Variants in TIPARP observed in about 807,000 individuals in gnomAD.
The protein encoded by TIPARP is TCDD inducible poly(ADP-ribose) polymerase, also known as protein mono-ADP-ribosyltransferase TIPARP.
A neutral mutation model predicts 56.5 loss-of-function variants in TIPARP; 12 were observed. That is an observed-to-expected ratio of 0.21 (90% confidence interval 0.14 to 0.34). The LOEUF is 0.34. Among genes scored for constraint, TIPARP ranks in the 10% least tolerant of loss-of-function variants. The probability of loss-of-function intolerance (pLI) is 1.00; values close to 1 mark genes in which losing one functional copy is unlikely to be tolerated. For missense variants in TIPARP, 604 were observed against 781.6 expected, an observed-to-expected ratio of 0.77 and a Z score of 2.71; for synonymous variants, 296 against 265.7, an observed-to-expected ratio of 1.11 and a Z score of -1.11.
Position 156,705,765 on chromosome 3 carries a change from A to T in TIPARP, c.*634A>T, listed in dbSNP as rs969623949. 2 of 152,660 alleles carry T rather than the reference A, an allele frequency of 1.3e-5. No individual in the cohort carries two copies. The highest frequency in any genetic ancestry group is 6.5e-5 in the Admixed American group (1 of 15,274). The allele number at this position is 152,660 out of a possible 1,614,324, so 9.5% of individuals were successfully genotyped here. ...ATTTAGAGGAAGTTAAAACAACAAC[A>T]AAAAACAACCATTTGAAAAATTTTT... On this transcript the variant is annotated 3_prime_UTR_variant, in exon 6 of 6. Transcript: ENST00000295924.
At chr3:156,682,575 T>C (rs774338468) in intron 2 of TIPARP, among the ~76,000 whole-genome samples, 13 of 152,240 alleles carry the variant, frequency 8.5e-5, no homozygotes, top group Non-Finnish European at 1.3e-4. Context: ...AGTCCCTATA[T>C]GACTTGCATA....
In TIPARP at chr3:156,677,755, C is replaced by T. The variant is rs1722180787; in HGVS notation, c.58C>T (p.Pro20Ser). ...CTGTGTAGTGCAGCCTCCCTCTCCTCCTGATGACTTTTCATGCCAAATGAG... is the reference window on the plus strand; with the variant it reads ...CTGTGTAGTGCAGCCTCCCTCTCCTTCTGATGACTTTTCATGCCAAATGAG... ...PDCVVQPPSP[P>S]DDFSCQMRLS... Residue 20 changes from proline (P) to serine (S), a missense_variant, in exon 2 of 6, where the codon CCT becomes TCT. Pro to Ser is a moderately conservative substitution (Grantham distance 74, BLOSUM62 -1). Coordinates refer to ENST00000295924, the MANE Select transcript of TIPARP (RefSeq NM_015508.5). 2.5e-6 allele frequency: 4 copies of T among 1,613,810 alleles called. No homozygotes were observed. In the South Asian group the frequency reaches 3.3e-5, roughly 13 times the overall value.
chr3:156,689,722 C>T (rs1422313591), intron 2 of TIPARP, among the ~76,000 whole-genome samples: 1 of 152,256 alleles, frequency 6.6e-6, no homozygotes, highest in Non-Finnish European at 1.5e-5. Flanking sequence ...TAACCTCCCA[C>T]ATGAACTGGG....
chr3:156,695,128 C>G (rs73873711), intron 3 of TIPARP, among the ~76,000 whole-genome samples: 5,832 of 152,176 alleles, frequency 0.038, 381 homozygotes, highest in African/African-American at 0.13. Flanking sequence ...AATACTCAGA[C>G]TGTTCCTGTG....
chr3:156,704,561 G>C (rs77436792), intron 5 of TIPARP, 123 bp from the exon 6 acceptor site: 55,897 of 954,112 alleles, frequency 0.059, 2,246 homozygotes, highest in South Asian at 0.17. Context: ...TAGGATCTTT[G>C]ATGGCATTTT....
chr3:156,678,151 G>T lies in TIPARP; in HGVS notation c.454G>T (p.Ala152Ser), dbSNP rs534523851. Residue 152 changes from alanine (A) to serine (S), a missense_variant, in exon 2 of 6, where the codon GCA becomes TCA. Around this residue, in one of 4 missense-constraint regions of TIPARP, gnomAD observed 261 missense variants for 279.2 expected, o/e 0.93. Coordinates refer to ENST00000295924, the MANE Select transcript of TIPARP (RefSeq NM_015508.5). The part of the protein sequence containing the change: ...FPSETLSGTV[A>S]DSTPAHFQTD... Reference sequence around the variant, plus strand: ...ATCAGAAACCCTCAGTGGGACGGTGGCAGATTCCACACCAGCTCACTTCCA... The same window carrying T: ...ATCAGAAACCCTCAGTGGGACGGTGTCAGATTCCACACCAGCTCACTTCCA... 1 of 1,613,922 alleles carries T rather than the reference G, an allele frequency of 6.2e-7. No homozygotes were observed. Among genetic ancestry groups the T allele is most frequent in the South Asian group, 1.1e-5 (1 of 91,054 alleles).
chr3:156,685,188 G>C (rs936037589), intron 2 of TIPARP, among the ~76,000 whole-genome samples: 1 of 152,134 alleles, frequency 6.6e-6, no homozygotes, highest in Admixed American at 6.5e-5. Context: ...TGCTGACTTA[G>C]CTAGTTACTG....
Position 156,700,550 on chromosome 3 carries a change from G to GT in TIPARP, c.1248-2869dup, listed in dbSNP as rs201910321. Among the ~76,000 whole-genome samples the GT allele has an allele frequency of 1.1e-3, 166 of 152,284 alleles. 4 individuals are homozygous for GT. The East Asian group carries it at 0.028, about 26-fold the overall frequency. On this transcript the variant is annotated intron_variant, in intron 4 of 5. Transcript: ENST00000295924. Reference sequence around the variant, plus strand: ...TAATGAATTTTCTACAAATTCAGCTGTTTTTAAAAGGTTTCTCCTGCTTTT... The same window carrying GT: ...TAATGAATTTTCTACAAATTCAGCTGTTTTTTAAAAGGTTTCTCCTGCTTTT...
intron 2 of TIPARP, among the ~76,000 whole-genome samples, chr3:156,693,077 T>C (rs974478120): frequency 6.6e-6 from 1 of 152,182 alleles, no homozygotes; most frequent in African/African-American, 2.4e-5. Flanking sequence ...TTTAGAAATC[T>C]GTGGTACACT....
chr3:156,703,932 G>C (rs937008344), intron 5 of TIPARP, among the ~76,000 whole-genome samples: 2 of 148,200 alleles, frequency 1.3e-5, no homozygotes, highest in African/African-American at 5.0e-5. Flanking sequence ...AGAATGGTGT[G>C]AACCTGGGAG....
chr3:156,690,167 G>A (rs554274488), intron 2 of TIPARP, among the ~76,000 whole-genome samples: 8 of 152,174 alleles, frequency 5.3e-5, no homozygotes, highest in Admixed American at 4.6e-4. Context: ...GCTCCCAAAT[G>A]TATAAACCCA....
Position 156,705,536 on chromosome 3 carries a change from C to T in TIPARP, c.*405C>T, listed in dbSNP as rs771056676. 1 of 161,228 alleles carries T rather than the reference C, an allele frequency of 6.2e-6. No individual in the cohort carries two copies. The highest frequency in any genetic ancestry group is 1.4e-5 in the Non-Finnish European group (1 of 73,158). The allele number at this position is 161,228 out of a possible 1,614,324, so 10.0% of individuals were successfully genotyped here. On this transcript the variant is annotated 3_prime_UTR_variant, in exon 6 of 6. Coordinates refer to ENST00000295924, the MANE Select transcript of TIPARP (RefSeq NM_015508.5). ...TGTGAGGATTCTATTTATTTATTTACGTTTGATAAAACTTACTGGAACTAG... is the reference window on the plus strand; with the variant it reads ...TGTGAGGATTCTATTTATTTATTTATGTTTGATAAAACTTACTGGAACTAG...
intron 2 of TIPARP, among the ~76,000 whole-genome samples, chr3:156,679,758 T>C (rs1173707534): frequency 6.6e-6 from 1 of 152,146 alleles, no homozygotes; most frequent in Admixed American, 6.5e-5. Context: ...CCTTGAGTCA[T>C]CTTTGTTCAC....
chr3:156,697,969 G>A (rs1438851346), intron 4 of TIPARP, among the ~76,000 whole-genome samples: 1 of 152,162 alleles, frequency 6.6e-6, no homozygotes, highest in African/African-American at 2.4e-5. Flanking sequence ...GTTCTTGAAG[G>A]AAATTAAAAG....
Position 156,680,051 on chromosome 3 carries a change from CTTAA to C in TIPARP, c.917+1441_917+1444del, listed in dbSNP as rs1350320443. 3.3e-5 allele frequency among the ~76,000 whole-genome samples: 5 copies of C among 152,018 alleles called. No homozygotes were observed. In the East Asian group the frequency reaches 7.7e-4, roughly 23 times the overall value. On this transcript the variant is annotated intron_variant, in intron 2 of 5. Coordinates refer to ENST00000295924, the MANE Select transcript of TIPARP (RefSeq NM_015508.5). Reference sequence around the variant, plus strand: ...ATAAATCCATGTGTCTTTTTAGCAACTTAATTATCATGAGACTAGAACTTTGCAT... The same window carrying C: ...ATAAATCCATGTGTCTTTTTAGCAACTTATCATGAGACTAGAACTTTGCAT...
chr3:156,689,858 A>G (rs973686909), intron 2 of TIPARP, among the ~76,000 whole-genome samples: 2 of 151,662 alleles, frequency 1.3e-5, no homozygotes, highest in African/African-American at 4.8e-5. Flanking sequence ...CATTTTATCC[A>G]CTCTGGAACA....
At chr3:156,701,605 T>A (rs2108498084) in intron 4 of TIPARP, among the ~76,000 whole-genome samples, 1 of 152,278 alleles carries the variant, frequency 6.6e-6, no homozygotes, top group African/African-American at 2.4e-5. Context: ...TTTTAAGGAG[T>A]TATAGATATT....
At chr3:156,674,824 G>A (rs1035266209) in intron 1 of TIPARP, 28 bp downstream of exon 1, 1 of 152,412 alleles carries the variant, frequency 6.6e-6, no homozygotes, top group South Asian at 2.1e-4. Flanking sequence ...GGCACTGAGG[G>A]GCTGAAGAAC....
At chr3:156,682,665 A>T (rs914201139) in intron 2 of TIPARP, among the ~76,000 whole-genome samples, 29 of 152,204 alleles carry the variant, frequency 1.9e-4, no homozygotes, top group African/African-American at 7.0e-4. Context: ...TCTGGCGTGC[A>T]CAGCTGTGAT....
Sources: allele counts gnomAD v4.1 joint callset (sites outside exome capture counted in the v4.1 genomes callset), GRCh38; gene constraint gnomAD v4.1.1; regional missense constraint gnomAD v4.1.1; transcripts MANE v1.5; gene names NCBI Gene and HGNC (gene_info 2026-07-23, HGNC 2026-07-21).